The following MYO1D variants were observed in gnomAD, a reference collection of about 807,000 sequenced individuals.
The protein encoded by MYO1D is myosin ID.
A neutral mutation model predicts 122.0 loss-of-function variants in MYO1D; 83 were observed. The ratio of observed to expected loss-of-function variants is 0.68; its 90% CI spans 0.57 to 0.82. The LOEUF (loss-of-function observed/expected upper bound fraction) is 0.82, where lower values mean the gene tolerates loss of function less well. Among genes scored for constraint, MYO1D ranks in the 40% least tolerant of loss-of-function variants. The probability of loss-of-function intolerance (pLI) is 0.00; values close to 1 mark genes in which losing one functional copy is unlikely to be tolerated. For synonymous variants in MYO1D, 464 were observed against 446.9 expected (o/e 1.04, Z -0.48); for missense variants, 1,157 against 1,269.5 (o/e 0.91, Z 1.35).
At chr17:32,562,360 C>CATAATTTCATATCATTATCTAGAT (rs59094872) in intron 21 of MYO1D, among the ~76,000 whole-genome samples, 3 of 152,054 alleles carry the variant, frequency 2.0e-5, no homozygotes, top group African/African-American at 7.2e-5. Flanking sequence ...TATTTCATTT[C>CATAATTTCATATCATTATCTAGAT]ATTCTTTAAT....
intron 8 of MYO1D, among the ~76,000 whole-genome samples, chr17:32,762,798 C>T (rs541267244): frequency 1.5e-4 from 23 of 149,224 alleles, no homozygotes; most frequent in Admixed American, 3.4e-4. Flanking sequence ...TGCTTGAACC[C>T]GGGAGGTGGA....
chr17:32,546,842 G>C (rs547824880), intron 21 of MYO1D, among the ~76,000 whole-genome samples: 3 of 151,734 alleles, frequency 2.0e-5, no homozygotes, highest in Non-Finnish European at 2.9e-5. Flanking sequence ...GCTTTATTTT[G>C]TTTGGGTTAT....
At chr17:32,551,170 G>A (rs574157925) in intron 21 of MYO1D, among the ~76,000 whole-genome samples, 1 of 152,018 alleles carries the variant, frequency 6.6e-6, no homozygotes, top group Non-Finnish European at 1.5e-5. Context: ...TCTAGGGGTG[G>A]GGAGCCTGTA....
At chr17:32,626,650 TA>T (rs564274228) in intron 20 of MYO1D, among the ~76,000 whole-genome samples, 6 of 151,854 alleles carry the variant, frequency 4.0e-5, no homozygotes, top group South Asian at 2.1e-4. Context: ...AAAAACACAT[TA>T]AAAAAAAGAA....
At chr17:32,795,617 T>A (rs1004758627) in intron 1 of MYO1D, among the ~76,000 whole-genome samples, 2 of 152,170 alleles carry the variant, frequency 1.3e-5, no homozygotes, top group Admixed American at 6.5e-5. Flanking sequence ...ATTATTTAGC[T>A]ATGAAGTGCT....
chr17:32,770,408 ATAAT>A (rs1031929596), intron 6 of MYO1D, among the ~76,000 whole-genome samples: 12 of 152,252 alleles, frequency 7.9e-5, no homozygotes, highest in African/African-American at 2.2e-4. Flanking sequence ...TCTAGAATAA[ATAAT>A]TAATACTGTG....
intron 16 of MYO1D, among the ~76,000 whole-genome samples, chr17:32,687,343 C>A (rs923922548): frequency 1.3e-5 from 2 of 152,038 alleles, no homozygotes; most frequent in Non-Finnish European, 2.9e-5. Flanking sequence ...ACTCCAGGCA[C>A]CTGCCACCAC....
chr17:32,823,585 TA>T (rs1394427544), intron 1 of MYO1D, among the ~76,000 whole-genome samples: 2 of 152,022 alleles, frequency 1.3e-5, no homozygotes. Context: ...TTTGGCGAAA[TA>T]CACCTAGGAA....
chr17:32,666,863 T>TA (rs1272380121), intron 16 of MYO1D, among the ~76,000 whole-genome samples: 2 of 152,236 alleles, frequency 1.3e-5, no homozygotes, highest in Non-Finnish European at 2.9e-5. Flanking sequence ...TTTCAGCTCC[T>TA]AGCTTCTCAG....
intron 1 of MYO1D, among the ~76,000 whole-genome samples, chr17:32,856,155 C>G (rs1340178580): frequency 6.6e-6 from 1 of 152,050 alleles, no homozygotes; most frequent in Non-Finnish European, 1.5e-5. Context: ...GTGAGACCAC[C>G]CTGCCTGGGA....
At chr17:32,591,682 T>G (rs926042491) in intron 21 of MYO1D, among the ~76,000 whole-genome samples, 2 of 151,798 alleles carry the variant, frequency 1.3e-5, no homozygotes, top group African/African-American at 4.8e-5. Flanking sequence ...AAAACAAACC[T>G]ACTTTCATCG....
At chr17:32,548,867 C>A (rs1480689201) in intron 21 of MYO1D, among the ~76,000 whole-genome samples, 6 of 151,872 alleles carry the variant, frequency 4.0e-5, no homozygotes, top group Admixed American at 1.3e-4. Flanking sequence ...GTGTGCACCA[C>A]CGCGCCTAGC....
At chr17:32,652,522 T>C (rs1296898792) in intron 19 of MYO1D, among the ~76,000 whole-genome samples, 1 of 152,208 alleles carries the variant, frequency 6.6e-6, no homozygotes, top group Admixed American at 6.5e-5. Flanking sequence ...TTTTTAAAAA[T>C]TATAATTTCA....
intron 20 of MYO1D, among the ~76,000 whole-genome samples, chr17:32,629,181 G>T (rs372788375): frequency 1.3e-5 from 2 of 152,294 alleles, no homozygotes; most frequent in South Asian, 2.1e-4. Context: ...CACAACTGTA[G>T]AGACAGTAAA....
chr17:32,494,956 G>A, intron 21 of MYO1D, 41 bp from the exon 22 acceptor site: 1 of 1,555,322 alleles, frequency 6.4e-7, no homozygotes, highest in Non-Finnish European at 8.7e-7. Flanking sequence ...TTAGCAGGCA[G>A]CATGAGAACA....
At chr17:32,599,023 G>A (rs1257657540) in intron 21 of MYO1D, among the ~76,000 whole-genome samples, 1 of 152,200 alleles carries the variant, frequency 6.6e-6, no homozygotes, top group Non-Finnish European at 1.5e-5. Flanking sequence ...GATGGCGGGG[G>A]TGGCTGTGGC....
At position 32,625,167 on chromosome 17, in the gene MYO1D, T is replaced by A. The variant is rs578243266; in HGVS notation, c.2709+13555A>T. Among the ~76,000 whole-genome samples, 8 of 152,358 alleles carry A rather than the reference T, an allele frequency of 5.3e-5. No individual in the cohort carries two copies. In the South Asian group the frequency reaches 1.7e-3, roughly 32 times the overall value. On this transcript the variant is annotated intron_variant, in intron 20 of 21. Transcript: ENST00000318217. ...AGGGCCAATACAAACACTCTCATCT[T>A]GATTATTCAGTTTCCTGCGGGCATA... is the stretch of plus-strand genomic sequence containing the variant.
chr17:32,634,392 A>C (rs1002112703), intron 20 of MYO1D, among the ~76,000 whole-genome samples: 2 of 152,358 alleles, frequency 1.3e-5, no homozygotes, highest in African/African-American at 4.8e-5. Context: ...CCAGCAGTTC[A>C]TGGTCTGTAC....
intron 1 of MYO1D, among the ~76,000 whole-genome samples, chr17:32,845,497 TA>T (rs2090928215): frequency 6.6e-6 from 1 of 152,204 alleles, no homozygotes; most frequent in South Asian, 2.1e-4. Flanking sequence ...ACTACAATCA[TA>T]TTTGGTTCTC....
Sources: allele counts gnomAD v4.1 joint callset (sites outside exome capture counted in the v4.1 genomes callset), GRCh38; gene constraint gnomAD v4.1.1; transcripts MANE v1.5; gene names NCBI Gene and HGNC (gene_info 2026-07-23, HGNC 2026-07-21).